Variants in MCPH1 observed in about 807,000 individuals in gnomAD.
MCPH1 encodes the protein microcephalin 1, also known as microcephalin.
MCPH1 carries 104 observed loss-of-function variants against 84.5 expected under a neutral mutation model. The ratio of observed to expected loss-of-function variants is 1.23; its 90% CI spans 1.05 to 1.45. The LOEUF (loss-of-function observed/expected upper bound fraction) is 1.45. Among genes scored for constraint, MCPH1 ranks in the 40% most tolerant of loss-of-function variants. MCPH1 has a pLI of 0.00. For synonymous variants in MCPH1, 514 were observed against 366.8 expected, an observed-to-expected ratio of 1.40 and a Z score of -4.58; for missense variants, 1,498 against 1,005.7, an observed-to-expected ratio of 1.49 and a Z score of -6.62.
chr8:6,475,886 C>G (rs552130310), intron 9 of MCPH1, among the ~76,000 whole-genome samples: 1 of 152,240 alleles, frequency 6.6e-6, no homozygotes, highest in East Asian at 1.9e-4. Context: ...GGTAGACTGT[C>G]TCTTAGAGAG....
In MCPH1 at chr8:6,444,868, G is replaced by T; in HGVS notation, c.1146G>T (p.Met382Ile). ...KRKRSTRRSI[M>I]PRLQLCRSED... Reference sequence around the variant, plus strand: ...AGAGGAGCACCAGGAGATCTATCATGCCGAGGCTGCAGCTGTGCAGGTCGG... The same window carrying T: ...AGAGGAGCACCAGGAGATCTATCATTCCGAGGCTGCAGCTGTGCAGGTCGG... Residue 382 changes from methionine (M) to isoleucine (I), a missense_variant, in exon 8 of 14, where the codon ATG becomes ATT. Met to Ile is a conservative substitution (Grantham distance 10). Transcript: ENST00000344683. 1 of 1,614,204 alleles carries T rather than the reference G, an allele frequency of 6.2e-7. No homozygotes were observed. Among genetic ancestry groups the T allele is most frequent in the Non-Finnish European group, 8.5e-7 (1 of 1,180,050 alleles).
Position 6,524,369 on chromosome 8 carries a change from C to A in MCPH1, c.2214+24440C>A, listed in dbSNP as rs1316752744. ...TCTATACATTTCACTAGCTTTTCTG[C>A]GAAGGCATATGAAGAGCAGAGAAAC... is the stretch of plus-strand genomic sequence containing the variant. On this transcript the variant is annotated intron_variant, in intron 12 of 13. Transcript: ENST00000344683. Among the ~76,000 whole-genome samples, 3 of 152,184 alleles carry A rather than the reference C, an allele frequency of 2.0e-5. No homozygotes were observed. In the East Asian group the frequency reaches 5.8e-4, roughly 29 times the overall value.
chr8:6,597,333 AT>A (rs1236656131), intron 12 of MCPH1, among the ~76,000 whole-genome samples: 1 of 152,026 alleles, frequency 6.6e-6, no homozygotes, highest in Non-Finnish European at 1.5e-5. Context: ...CCATTGTCTT[AT>A]TTTTTCGGCT....
At chr8:6,482,167 T>C (rs1012784144) in intron 11 of MCPH1, among the ~76,000 whole-genome samples, 8 of 152,204 alleles carry the variant, frequency 5.3e-5, no homozygotes, top group Non-Finnish European at 8.8e-5. Context: ...CACAAGAGTA[T>C]TGATGCTGAC....
At chr8:6,629,727 A>G (rs964886307) in intron 13 of MCPH1, among the ~76,000 whole-genome samples, 1 of 152,208 alleles carries the variant, frequency 6.6e-6, no homozygotes, top group African/African-American at 2.4e-5. Context: ...GTTCAGCCCA[A>G]AATGAATTCT....
chr8:6,478,405 A>G (rs1808754060), intron 10 of MCPH1, among the ~76,000 whole-genome samples: 1 of 152,254 alleles, frequency 6.6e-6, no homozygotes, highest in South Asian at 2.1e-4. Flanking sequence ...ATAGTCTAAT[A>G]CAGAAGCGAA....
At chr8:6,528,267 A>C (rs1327560450) in intron 12 of MCPH1, among the ~76,000 whole-genome samples, 1 of 152,096 alleles carries the variant, frequency 6.6e-6, no homozygotes, top group African/African-American at 2.4e-5. Flanking sequence ...ACTAAATGTT[A>C]TTTTTCTAGT....
At chr8:6,536,745 C>G (rs1008233219) in intron 12 of MCPH1, among the ~76,000 whole-genome samples, 1 of 152,124 alleles carries the variant, frequency 6.6e-6, no homozygotes, top group African/African-American at 2.4e-5. Flanking sequence ...ATAATGAGAA[C>G]AAACCTAGAA....
At chr8:6,641,912 G>A (rs778527694) in intron 13 of MCPH1, among the ~76,000 whole-genome samples, 2 of 152,014 alleles carry the variant, frequency 1.3e-5, no homozygotes, top group Non-Finnish European at 2.9e-5. Flanking sequence ...CCTCCCTTCT[G>A]AAATTCATCT....
chr8:6,454,361 A>T (rs1585867176), intron 8 of MCPH1, among the ~76,000 whole-genome samples: 1 of 152,162 alleles, frequency 6.6e-6, no homozygotes, highest in Non-Finnish European at 1.5e-5. Flanking sequence ...GCTGCTACAT[A>T]ACTTTTGCGT....
intron 12 of MCPH1, among the ~76,000 whole-genome samples, chr8:6,582,240 C>T (rs911944260): frequency 3.3e-5 from 5 of 152,196 alleles, no homozygotes; most frequent in African/African-American, 1.2e-4. Flanking sequence ...AGAATTACGC[C>T]TTGCATACAC....
At chr8:6,613,447 G>A (rs956108821) in intron 12 of MCPH1, among the ~76,000 whole-genome samples, 15 of 151,954 alleles carry the variant, frequency 9.9e-5, no homozygotes, top group African/African-American at 3.4e-4. Context: ...AGGGAGTCAC[G>A]GGGGGGTGGT....
At position 6,645,025 on chromosome 8, in the gene MCPH1, A is replaced by G. The variant is rs1350484095; in HGVS notation, c.*1976A>G. 1 of 152,226 alleles carries G rather than the reference A, an allele frequency of 6.6e-6. No individual in the cohort carries two copies. The highest frequency in any genetic ancestry group is 1.5e-5 in the Non-Finnish European group (1 of 68,044). The allele number at this position is 152,226 out of a possible 1,614,324, so 9.4% of individuals were successfully genotyped here. A position where few individuals can be genotyped will look rare whatever the true frequency, so the allele number is the denominator to read the frequency against. On this transcript the variant is annotated 3_prime_UTR_variant, in exon 14 of 14. Coordinates refer to ENST00000344683, the MANE Select transcript of MCPH1 (RefSeq NM_024596.5). Reference sequence around the variant, plus strand: ...TGAGTTCACTCGCTTCACATTACATATGTTTCTCTATAACCACAAGCATCC... The same window carrying G: ...TGAGTTCACTCGCTTCACATTACATGTGTTTCTCTATAACCACAAGCATCC...
At chr8:6,532,303 C>T (rs1819670815) in intron 12 of MCPH1, 15 of 1,613,770 alleles carry the variant, frequency 9.3e-6, no homozygotes, top group Non-Finnish European at 1.3e-5. Flanking sequence ...GCTGCAGGGA[C>T]ACCGTGTGCT....
In MCPH1 at chr8:6,547,483, C is replaced by A. The variant is rs1822812819; in HGVS notation, c.2214+47554C>A. On this transcript the variant is annotated intron_variant, in intron 12 of 13. Coordinates refer to ENST00000344683, the MANE Select transcript of MCPH1 (RefSeq NM_024596.5). ...CAGAACTGACGTTTTCTTCTGCATG[C>A]TTGAATTTTTACTCAACAACTGGAA... 2.0e-5 allele frequency among the ~76,000 whole-genome samples: 3 copies of A among 152,128 alleles called. No individual in the cohort carries two copies. The South Asian group carries it at 6.2e-4, about 32-fold the overall frequency.
intron 12 of MCPH1, among the ~76,000 whole-genome samples, chr8:6,591,838 A>G (rs1376721241): frequency 6.6e-6 from 1 of 152,206 alleles, no homozygotes; most frequent in East Asian, 1.9e-4. Flanking sequence ...ATTTGTTGAA[A>G]TACAAAAAAA....
intron 12 of MCPH1, among the ~76,000 whole-genome samples, chr8:6,573,890 A>G (rs1338933116): frequency 6.6e-6 from 1 of 152,260 alleles, no homozygotes; most frequent in African/African-American, 2.4e-5. Flanking sequence ...AGAAAAAACC[A>G]CAATGAATTG....
intron 12 of MCPH1, chr8:6,532,589 A>AG: frequency 1.2e-6 from 1 of 868,062 alleles, no homozygotes; most frequent in South Asian, 3.2e-5. Context: ...AAAAAAAAAA[A>AG]AAATCTATCA....
chr8:6,452,865 A>T (rs1173867962), intron 8 of MCPH1, among the ~76,000 whole-genome samples: 1 of 152,230 alleles, frequency 6.6e-6, no homozygotes, highest in Admixed American at 6.5e-5. Context: ...CATTCATCCA[A>T]CTGGGGTGTG....
Sources: gnomAD v4.1 joint callset for allele counts (sites outside exome capture counted in the v4.1 genomes callset) on GRCh38, gnomAD v4.1.1 for gene constraint, MANE v1.5 for transcripts, NCBI Gene and HGNC (gene_info 2026-07-23, HGNC 2026-07-21) for gene names.